The following PXK variants were observed in gnomAD, a reference collection of about 807,000 sequenced individuals.
PXK encodes the protein PX domain containing serine/threonine kinase like, also known as PX domain-containing protein kinase-like protein.
PXK carries 35 observed loss-of-function variants against 84.7 expected under a neutral mutation model. That is an observed-to-expected ratio of 0.41 (90% CI 0.32 to 0.55). The LOEUF (loss-of-function observed/expected upper bound fraction) is 0.55, where lower values mean the gene tolerates loss of function less well. Ranked by LOEUF, PXK falls within the 20% of genes least tolerant of loss-of-function variation. The pLI, the probability that PXK is intolerant of heterozygous loss-of-function variation, is 0.21. For synonymous variants in PXK, 253 were observed against 260.8 expected (o/e 0.97, Z 0.29); for missense variants, 634 against 699.7 (o/e 0.91, Z 1.06).
At position 58,422,535 on chromosome 3, in the gene PXK, C is replaced by T; in HGVS notation, c.1529-2217C>T. Reference sequence around the variant, plus strand: ...CACCACCTACATTTTCAAAGAGACTCATTTAAAGTGACAGTGGAAAATCCA... The same window carrying T: ...CACCACCTACATTTTCAAAGAGACTTATTTAAAGTGACAGTGGAAAATCCA... On this transcript the variant is annotated intron_variant, in intron 17 of 17. Coordinates refer to ENST00000356151, the MANE Select transcript of PXK (RefSeq NM_017771.5). 3 of 985,412 alleles carry T rather than the reference C, an allele frequency of 3.0e-6. No homozygotes were observed. The South Asian group carries it at 1.4e-4, about 46-fold the overall frequency. 61.0% of individuals were successfully genotyped at this position (985,412 alleles called of 1,614,324 possible).
At chr3:58,375,813 T>C (rs1355074485) in intron 3 of PXK, among the ~76,000 whole-genome samples, 1 of 152,206 alleles carries the variant, frequency 6.6e-6, no homozygotes, top group Non-Finnish European at 1.5e-5. Context: ...ACTTGTTAAG[T>C]TGGCAAAATC....
At chr3:58,348,364 A>G (rs530094582) in intron 1 of PXK, among the ~76,000 whole-genome samples, 2 of 152,334 alleles carry the variant, frequency 1.3e-5, no homozygotes, top group African/African-American at 4.8e-5. Flanking sequence ...CCACAGAACC[A>G]GACAATGATT....
In PXK at chr3:58,412,455, C is replaced by T. The variant is rs889808765; in HGVS notation, c.1466-446C>T. On this transcript the variant is annotated intron_variant, in intron 16 of 17. Transcript: ENST00000356151. This position sits in a 1 kb window ranked among gnomAD's most constrained non-coding sequence, Gnocchi z 6.2. ...ACCTGCTGATAAAATGGAACTTCGG[C>T]AGAATGCGTTACTGGGTGGATGCTG... Among the ~76,000 whole-genome samples, 1 of 152,128 alleles carries T rather than the reference C, an allele frequency of 6.6e-6. No homozygotes were observed. Among genetic ancestry groups the T allele is most frequent in the Non-Finnish European group, 1.5e-5 (1 of 68,028 alleles).
rs74577683 is a variant in PXK, at chr3:58,395,323, T to C, written c.720+221T>C. Among the ~76,000 whole-genome samples the C allele has an allele frequency of 1.9e-3, 283 of 152,370 alleles. 1 individual carries two copies. Among genetic ancestry groups the C allele is most frequent in the African/African-American group, 6.6e-3 (274 of 41,584 alleles). On this transcript the variant is annotated intron_variant, in intron 8 of 17. Transcript: ENST00000356151. ...GGAAAGGTTGAACATTTAATAATTATGTCCATTACATGGCAAGCTGTTCTC... is the reference window on the plus strand; with the variant it reads ...GGAAAGGTTGAACATTTAATAATTACGTCCATTACATGGCAAGCTGTTCTC...
chr3:58,352,335 G>A (rs1247774017), intron 1 of PXK, among the ~76,000 whole-genome samples: 7 of 152,182 alleles, frequency 4.6e-5, no homozygotes, highest in Non-Finnish European at 4.4e-5. Context: ...GGGCGTGAGG[G>A]ATGAGGAGCT....
In PXK at chr3:58,388,432, A is replaced by G. The variant is rs577503950; in HGVS notation, c.389-2150A>G. On this transcript the variant is annotated intron_variant, in intron 4 of 17. Transcript: ENST00000356151. ...AGAATTATTTTTCATGCTCCTTCTC[A>G]AAGTTGATATGAATGATTTTCACTT... Among the ~76,000 whole-genome samples, 10 of 152,366 alleles carry G rather than the reference A, an allele frequency of 6.6e-5. No homozygotes were observed. The East Asian group carries it at 1.3e-3, about 21-fold the overall frequency.
At chr3:58,350,727 G>C (rs1204900983) in intron 1 of PXK, among the ~76,000 whole-genome samples, 3 of 152,154 alleles carry the variant, frequency 2.0e-5, no homozygotes, top group East Asian at 1.9e-4. Context: ...CTGAGGGCTA[G>C]AAGGCAGAGA....
intron 3 of PXK, among the ~76,000 whole-genome samples, chr3:58,380,704 G>A (rs532388266): frequency 6.6e-5 from 10 of 152,102 alleles, no homozygotes; most frequent in Non-Finnish European, 1.2e-4. Context: ...CCAGCTGCTT[G>A]GAGGCTGAGG....
rs1056071243 is a variant in PXK at position 58,416,089 on chromosome 3, CA to C, written c.1528+3127del. Among the ~76,000 whole-genome samples the C allele has an allele frequency of 2.0e-5, 3 of 152,170 alleles. No homozygotes were observed. The highest frequency in any genetic ancestry group is 7.2e-5 in the African/African-American group (3 of 41,444). On this transcript the variant is annotated intron_variant, in intron 17 of 17. Transcript: ENST00000356151. This position sits in a 1 kb window ranked among gnomAD's most constrained non-coding sequence, Gnocchi z 4.8. ...AGGACGGTGGGATTGATAATAGGTA[CA>C]GTTTAGTCTTCTTTTCCTCCTAATC...
At chr3:58,410,318 C>T (rs2060010236) in intron 16 of PXK, among the ~76,000 whole-genome samples, 159 bp downstream of exon 16, 1 of 152,200 alleles carries the variant, frequency 6.6e-6, no homozygotes, top group African/African-American at 2.4e-5. Context: ...AAGATTGCAA[C>T]AGTATTCGTA....
chr3:58,400,498 G>A lies in PXK; in HGVS notation c.1181+1121G>A, dbSNP rs775656830. Among the ~76,000 whole-genome samples, 1 of 152,188 alleles carries A rather than the reference G, an allele frequency of 6.6e-6. No homozygotes were observed. Among genetic ancestry groups the A allele is most frequent in the Non-Finnish European group, 1.5e-5 (1 of 68,040 alleles). On this transcript the variant is annotated intron_variant, in intron 12 of 17. Transcript: ENST00000356151. This position sits in a 1 kb window ranked among gnomAD's most constrained non-coding sequence, Gnocchi z 4.0. ...TTTAGAGAGGGCCTTCTGGAGGCCA[G>A]CTGCTGTCCTAGGCACTGTAATGAA...
rs2060189388 is a variant in PXK at position 58,411,449 on chromosome 3, G to C, written c.1465+1290G>C. Among the ~76,000 whole-genome samples the C allele has an allele frequency of 6.6e-6, 1 of 152,200 alleles. No individual in the cohort carries two copies. The highest frequency in any genetic ancestry group is 2.1e-4 in the South Asian group (1 of 4,832). On this transcript the variant is annotated intron_variant, in intron 16 of 17. Transcript: ENST00000356151. The surrounding 1 kb of genome is among the most constrained non-coding windows in gnomAD (Gnocchi z 4.2). The stretch of plus-strand genomic sequence containing the variant: ...CTCCTTGGGGGTGAATGCTGTTGTG[G>C]CTGGTGGGTAGTTTCAGTTGGAAGC...
chr3:58,336,315 G>A (rs73835174), intron 1 of PXK, among the ~76,000 whole-genome samples: 1 of 151,846 alleles, frequency 6.6e-6, no homozygotes, highest in East Asian at 1.9e-4. Context: ...GGAACACAAG[G>A]TCACCACCAG....
Position 58,383,068 on chromosome 3 carries a change from G to A in PXK, c.388+368G>A, listed in dbSNP as rs1249774764. Among the ~76,000 whole-genome samples, 1 of 152,194 alleles carries A rather than the reference G, an allele frequency of 6.6e-6. No individual in the cohort carries two copies. Among genetic ancestry groups the A allele is most frequent in the African/African-American group, 2.4e-5 (1 of 41,438 alleles). On this transcript the variant is annotated intron_variant, in intron 4 of 17. Transcript: ENST00000356151. The surrounding 1 kb of genome is among the most constrained non-coding windows in gnomAD (Gnocchi z 4.0). ...GCACTTTGGGAGGCCAAGGCGGTTG[G>A]ATCACCTGAGGTCAGGAGTTTGAGT... is the stretch of plus-strand genomic sequence containing the variant.
At chr3:58,338,669 A>T (rs2097669228) in intron 1 of PXK, among the ~76,000 whole-genome samples, 1 of 151,612 alleles carries the variant, frequency 6.6e-6, no homozygotes. Context: ...TGTGATAGGT[A>T]ACTTGCAGCA....
chr3:58,376,416 A>AAAAT (rs1226256249), intron 3 of PXK, among the ~76,000 whole-genome samples: 1 of 152,094 alleles, frequency 6.6e-6, no homozygotes, highest in African/African-American at 2.4e-5. Flanking sequence ...ACTCTGTCTA[A>AAAAT]AAATAAATAA....
At chr3:58,410,435 AT>A (rs1380316305) in intron 16 of PXK, among the ~76,000 whole-genome samples, 2 of 152,218 alleles carry the variant, frequency 1.3e-5, no homozygotes, top group Non-Finnish European at 2.9e-5. Context: ...AGCATTAGTC[AT>A]GGAAGGAAAA....
chr3:58,422,376 G>C (rs2062028381), intron 17 of PXK: 1 of 985,194 alleles, frequency 1.0e-6, no homozygotes, highest in Non-Finnish European at 1.2e-6. Context: ...AGGAAAAGTG[G>C]ACTTGCTGGG....
At chr3:58,422,483 G>A in intron 17 of PXK, 10 of 985,320 alleles carry the variant, frequency 1.0e-5, no homozygotes, top group Non-Finnish European at 1.1e-5. Flanking sequence ...TGGAGCCCTG[G>A]AGCCCTTTGG....
Sources: gnomAD v4.1 joint callset for allele counts (sites outside exome capture counted in the v4.1 genomes callset) on GRCh38, gnomAD v4.1.1 for gene constraint, Gnocchi (gnomAD v3.1) non-coding constraint, MANE v1.5 for transcripts, NCBI Gene and HGNC (gene_info 2026-07-23, HGNC 2026-07-21) for gene names.